The following CUBN variants were observed in gnomAD, a reference collection of about 807,000 sequenced individuals.
The protein encoded by CUBN is cubilin, also known as 460 kDa receptor.
A neutral mutation model predicts 405.3 loss-of-function variants in CUBN; 282 were observed. That is an observed-to-expected ratio of 0.70 (90% CI 0.63 to 0.77). The LOEUF (loss-of-function observed/expected upper bound fraction) is 0.77, where lower values mean the gene tolerates loss of function less well. CUBN is among the 30% of genes least tolerant of loss of function. CUBN has a pLI of 0.00. For missense variants in CUBN, 4,514 were observed against 4,475.2 expected, an observed-to-expected ratio of 1.01 and a Z score of -0.25; for synonymous variants, 1,684 against 1,617.0, an observed-to-expected ratio of 1.04 and a Z score of -0.99.
At chr10:17,090,435 C>T (rs1034235909) in intron 14 of CUBN, among the ~76,000 whole-genome samples, 1 of 151,578 alleles carries the variant, frequency 6.6e-6, no homozygotes, top group African/African-American at 2.4e-5. Flanking sequence ...CTCTCATAAT[C>T]TACCATGCCC....
intron 56 of CUBN, among the ~76,000 whole-genome samples, chr10:16,883,942 T>C (rs955885131): frequency 6.6e-6 from 1 of 152,254 alleles, no homozygotes; most frequent in Admixed American, 6.5e-5. Flanking sequence ...GGTGAATTAA[T>C]GTTACTACCC....
intron 27 of CUBN, among the ~76,000 whole-genome samples, chr10:17,028,799 C>T (rs1247514301): frequency 1.3e-5 from 2 of 151,602 alleles, no homozygotes; most frequent in Admixed American, 6.6e-5. Flanking sequence ...AGGGTAAAGA[C>T]GTGTTTAAAC....
chr10:16,828,735 A>G, intron 66 of CUBN, 70 bp downstream of exon 66: 3 of 1,227,786 alleles, frequency 2.4e-6, no homozygotes, highest in South Asian at 2.5e-5. Context: ...AAAAAAAAAA[A>G]GTCTACACTA....
intron 54 of CUBN, among the ~76,000 whole-genome samples, chr10:16,891,981 C>A (rs1336947788): frequency 2.0e-5 from 3 of 152,212 alleles, no homozygotes; most frequent in African/African-American, 7.2e-5. Context: ...GACTATTCAA[C>A]ATTTTCTTCA....
At chr10:17,014,497 C>A (rs1055637120) in intron 28 of CUBN, among the ~76,000 whole-genome samples, 7 of 152,170 alleles carry the variant, frequency 4.6e-5, no homozygotes, top group Non-Finnish European at 8.8e-5. Flanking sequence ...GGAACCCCCA[C>A]AACTGTTTTA....
intron 31 of CUBN, among the ~76,000 whole-genome samples, chr10:16,956,670 TTA>T (rs1218932291): frequency 1.3e-5 from 2 of 152,180 alleles, no homozygotes; most frequent in Non-Finnish European, 2.9e-5. Context: ...TAATACTGTC[TTA>T]GTTTTAATAT....
At chr10:16,919,894 G>A in intron 44 of CUBN, 69 bp downstream of exon 44, 2 of 1,505,880 alleles carry the variant, frequency 1.3e-6, no homozygotes, top group Non-Finnish European at 1.8e-6. Context: ...GAAATGGACT[G>A]TTTTGAGACA....
chr10:17,047,358 T>G, intron 23 of CUBN, 56 bp downstream of exon 23: 1 of 1,386,120 alleles, frequency 7.2e-7, no homozygotes, highest in Non-Finnish European at 1.0e-6. Flanking sequence ...CTAGGAAAGA[T>G]TATTAATGAG....
At chr10:17,093,282 CAG>C (rs950607762) in intron 14 of CUBN, among the ~76,000 whole-genome samples, 1 of 152,126 alleles carries the variant, frequency 6.6e-6, no homozygotes, top group African/African-American at 2.4e-5. Flanking sequence ...GTCTAACTAA[CAG>C]AGAACAGTTT....
intron 13 of CUBN, among the ~76,000 whole-genome samples, chr10:17,100,649 G>A (rs551310641): frequency 1.3e-5 from 2 of 152,124 alleles, no homozygotes; most frequent in Non-Finnish European, 2.9e-5. Flanking sequence ...CTAATTCCCT[G>A]AATAACCTGT....
At chr10:17,115,142 G>T (rs1461605924) in intron 7 of CUBN, among the ~76,000 whole-genome samples, 1 of 151,490 alleles carries the variant, frequency 6.6e-6, no homozygotes, top group Admixed American at 6.6e-5. Context: ...TACTCAGGAG[G>T]CTGAGTCACG....
rs1213614802 is a variant in CUBN at position 16,990,413 on chromosome 10, T to A, written c.4271A>T (p.Asp1424Val). The change falls in exon 29 of 67, where the codon GAC becomes GTC. Residue 1424 changes from aspartate (D) to valine (V), a missense_variant. Physicochemically the swap from Asp to Val is radical, Grantham distance 152. This residue lies in a region of CUBN where 1,613 missense variants were observed against 1,542.8 expected (regional missense o/e 1.05). Coordinates refer to ENST00000377833, the MANE Select transcript of CUBN (RefSeq NM_001081.4). ...NKECIWYIRT[D>V]PGSSIQLTIH... is the part of the protein sequence containing the mutation. ...GGTGAGCTGAATGCTACTCCCGGGG[T>A]CCGTCCTAATGTACCAGATACACTC... The A allele has an allele frequency of 1.9e-6, 3 of 1,614,074 alleles. No individual in the cohort carries two copies. The highest frequency in any genetic ancestry group is 2.5e-6 in the Non-Finnish European group (3 of 1,180,006).
intron 27 of CUBN, among the ~76,000 whole-genome samples, chr10:17,039,419 TG>T (rs1834968920): frequency 6.6e-6 from 1 of 152,156 alleles, no homozygotes; most frequent in African/African-American, 2.4e-5. Flanking sequence ...AATAAGTGCC[TG>T]GGTTACAAAG....
chr10:17,046,200 G>A (rs1271246867), intron 23 of CUBN, 106 bp from the exon 24 acceptor site: 1 of 997,582 alleles, frequency 1.0e-6, no homozygotes, highest in Non-Finnish European at 1.5e-6. Flanking sequence ...CAGTTTATTG[G>A]ATGAAGTAAT....
chr10:16,885,482 G>T (rs1009020861), intron 56 of CUBN, among the ~76,000 whole-genome samples: 1 of 152,032 alleles, frequency 6.6e-6, no homozygotes, highest in African/African-American at 2.4e-5. Flanking sequence ...ATATAGCAAA[G>T]TGCTATATAT....
At chr10:16,893,726 C>T (rs1223156839) in intron 54 of CUBN, among the ~76,000 whole-genome samples, 7 of 152,104 alleles carry the variant, frequency 4.6e-5, no homozygotes, top group African/African-American at 1.4e-4. Context: ...GAGTTACATT[C>T]CACGGTAAGC....
chr10:16,904,393 A>C (rs970595985), intron 50 of CUBN, among the ~76,000 whole-genome samples: 5 of 152,260 alleles, frequency 3.3e-5, no homozygotes, highest in Non-Finnish European at 7.3e-5. Context: ...TTATTTCAGC[A>C]TATCTAAACA....
intron 22 of CUBN, among the ~76,000 whole-genome samples, chr10:17,055,868 A>C (rs1835382805): frequency 6.6e-6 from 1 of 152,122 alleles, no homozygotes; most frequent in South Asian, 2.1e-4. Flanking sequence ...AATTCAATGC[A>C]ATCTCAATCA....
At chr10:16,986,061 A>G (rs1833408908) in intron 29 of CUBN, among the ~76,000 whole-genome samples, 1 of 152,220 alleles carries the variant, frequency 6.6e-6, no homozygotes, top group Admixed American at 6.5e-5. Context: ...CAGGATGGGA[A>G]TCAAATAGAA....
Sources: allele counts gnomAD v4.1 joint callset (sites outside exome capture counted in the v4.1 genomes callset), GRCh38; gene constraint gnomAD v4.1.1; regional missense constraint gnomAD v4.1.1; transcripts MANE v1.5; gene names NCBI Gene and HGNC (gene_info 2026-07-23, HGNC 2026-07-21).